The following CACNA2D3 variants were observed in gnomAD, a reference collection of about 807,000 sequenced individuals.
CACNA2D3 encodes the protein calcium voltage-gated channel auxiliary subunit alpha2delta 3.
A neutral mutation model predicts 160.6 loss-of-function variants in CACNA2D3; 60 were observed. The observed-to-expected ratio is 0.37, with a 90% CI of 0.30 to 0.46. The LOEUF is 0.46. CACNA2D3 is among the 20% of genes least tolerant of loss of function. CACNA2D3 has a pLI of 1.00. For missense variants in CACNA2D3, 1,205 were observed against 1,365.0 expected (o/e 0.88, Z 1.85); for synonymous variants, 558 against 492.9 (o/e 1.13, Z -1.75).
At chr3:54,786,335 G>A (rs1702641149) in intron 13 of CACNA2D3, among the ~76,000 whole-genome samples, 1 of 152,130 alleles carries the variant, frequency 6.6e-6, no homozygotes, top group African/African-American at 2.4e-5. Flanking sequence ...TGAATGAATG[G>A]TAAAATAGTG....
chr3:54,475,619 T>C (rs9825211), intron 4 of CACNA2D3, among the ~76,000 whole-genome samples: 150,915 of 152,282 alleles, frequency 0.99, 74,791 homozygotes, highest in Middle Eastern at 1. Flanking sequence ...CTGCCTATAA[T>C]GCTGTCTACA....
intron 24 of CACNA2D3, among the ~76,000 whole-genome samples, chr3:54,891,121 T>G (rs910666511): frequency 1.6e-4 from 24 of 152,126 alleles, no homozygotes; most frequent in African/African-American, 5.8e-4. Context: ...GTTCTTCATT[T>G]TTCCTGCAAG....
intron 2 of CACNA2D3, among the ~76,000 whole-genome samples, chr3:54,301,300 CAGAA>C (rs1703471823): frequency 8.0e-6 from 1 of 125,418 alleles, no homozygotes; most frequent in African/African-American, 2.7e-5. Flanking sequence ...AAACAAAAGA[CAGAA>C]AAAAAAAAAA....
intron 4 of CACNA2D3, among the ~76,000 whole-genome samples, chr3:54,478,387 G>A (rs898778561): frequency 1.3e-5 from 2 of 151,828 alleles, no homozygotes; most frequent in African/African-American, 4.8e-5. Flanking sequence ...AATTCCAGCA[G>A]TTTGAGAGGC....
intron 29 of CACNA2D3, 27 bp downstream of exon 29, chr3:54,969,871 T>C: frequency 6.2e-7 from 1 of 1,606,562 alleles, no homozygotes; most frequent in Non-Finnish European, 8.5e-7. Context: ...GTCCTGTTTC[T>C]ACCCCTGTGG....
intron 9 of CACNA2D3, among the ~76,000 whole-genome samples, chr3:54,614,325 G>A (rs1698805730): frequency 6.6e-6 from 1 of 152,166 alleles, no homozygotes; most frequent in South Asian, 2.1e-4. Context: ...GGCAGAGCCT[G>A]TCTTACTCAA....
At chr3:54,150,607 C>T (rs1700129760) in intron 2 of CACNA2D3, among the ~76,000 whole-genome samples, 2 of 152,192 alleles carry the variant, frequency 1.3e-5, no homozygotes, top group South Asian at 4.1e-4. Context: ...ATGGTAATGT[C>T]ATTATTATTT....
At chr3:54,424,435 G>A (rs1699883851) in intron 4 of CACNA2D3, among the ~76,000 whole-genome samples, 1 of 152,172 alleles carries the variant, frequency 6.6e-6, no homozygotes, top group South Asian at 2.1e-4. Context: ...TGGTGTTTTT[G>A]CCCTGAGGAC....
chr3:54,984,563 A>C (rs1443461408), intron 29 of CACNA2D3, 45 bp from the exon 30 acceptor site: 1 of 1,136,472 alleles, frequency 8.8e-7, no homozygotes, highest in East Asian at 2.6e-5. Context: ...GATGGCCCGA[A>C]GTTGAAGCTG....
chr3:54,721,949 G>T (rs1443740911), intron 11 of CACNA2D3, among the ~76,000 whole-genome samples: 1 of 152,038 alleles, frequency 6.6e-6, no homozygotes, highest in East Asian at 1.9e-4. Context: ...GAATTTGAAT[G>T]TTGGCCTGTC....
intron 13 of CACNA2D3, among the ~76,000 whole-genome samples, chr3:54,803,341 T>C (rs1216202401): frequency 6.6e-6 from 1 of 152,066 alleles, no homozygotes; most frequent in African/African-American, 2.4e-5. Context: ...ATAAGTAGAA[T>C]AACCAATACA....
At chr3:55,013,872 G>C (rs534404322) in intron 34 of CACNA2D3, among the ~76,000 whole-genome samples, 31 of 152,260 alleles carry the variant, frequency 2.0e-4, no homozygotes, top group African/African-American at 7.5e-4. Flanking sequence ...GTGAACCCAA[G>C]TCAGTTTTTC....
At chr3:54,807,023 C>A (rs1703146223) in intron 13 of CACNA2D3, among the ~76,000 whole-genome samples, 1 of 152,166 alleles carries the variant, frequency 6.6e-6, no homozygotes, top group African/African-American at 2.4e-5. Context: ...GAAACTGGAT[C>A]CCTTCCTTAC....
chr3:54,948,733 G>C (rs1701679017), intron 27 of CACNA2D3, among the ~76,000 whole-genome samples: 1 of 152,190 alleles, frequency 6.6e-6, no homozygotes, highest in African/African-American at 2.4e-5. Context: ...GTATTTGACT[G>C]TCTGCATGGA....
At position 54,777,703 on chromosome 3, in the gene CACNA2D3, TAGCC is replaced by T. The variant is rs1182177530; in HGVS notation, c.1380+13356_1380+13359del. The stretch of plus-strand genomic sequence containing the variant: ...TCCTATAGTCTGTTTCTCTGTCACT[TAGCC>T]AGCTGTTAAAGGAGCAGTTGTTTCC... On this transcript the variant is annotated intron_variant, in intron 13 of 37. Transcript: ENST00000474759. Among the ~76,000 whole-genome samples the T allele has an allele frequency of 3.3e-5, 5 of 152,152 alleles. No individual in the cohort carries two copies. The East Asian group carries it at 9.7e-4, about 29-fold the overall frequency.
chr3:54,616,571 G>A (rs540250992), intron 9 of CACNA2D3, among the ~76,000 whole-genome samples: 2 of 152,312 alleles, frequency 1.3e-5, no homozygotes, highest in South Asian at 4.1e-4. Flanking sequence ...AAGGGTCTGC[G>A]TATCAGTGGG....
At chr3:55,007,878 T>C (rs755245155) in intron 33 of CACNA2D3, 36 bp downstream of exon 33, 3 of 1,427,938 alleles carry the variant, frequency 2.1e-6, no homozygotes, top group African/African-American at 1.5e-5. Context: ...TGAAAAGTAT[T>C]AATATTTTCC....
chr3:54,763,663 GTGTGTGTATATATGTATATA>G (rs1369135230), intron 12 of CACNA2D3, among the ~76,000 whole-genome samples: 1 of 145,028 alleles, frequency 6.9e-6, no homozygotes, highest in Non-Finnish European at 1.5e-5. Context: ...ATGTGTGTGT[GTGTGTGTATATATGTATATA>G]TGTGTGTATA....
At chr3:54,343,087 A>C (rs1434636391) in intron 3 of CACNA2D3, among the ~76,000 whole-genome samples, 1 of 152,214 alleles carries the variant, frequency 6.6e-6, no homozygotes, top group Non-Finnish European at 1.5e-5. Flanking sequence ...GAGCAGTTGA[A>C]ACAGATTTAT....
Sources: allele counts gnomAD v4.1 joint callset (sites outside exome capture counted in the v4.1 genomes callset), GRCh38; gene constraint gnomAD v4.1.1; transcripts MANE v1.5; gene names NCBI Gene and HGNC (gene_info 2026-07-23, HGNC 2026-07-21).